Variants in CCDC33 observed in about 807,000 individuals in gnomAD.
The protein encoded by CCDC33 is coiled-coil domain-containing protein 33.
Under a neutral mutation model 91.9 loss-of-function variants are expected in CCDC33, and 94 were observed. The ratio of observed to expected loss-of-function variants is 1.02; its 90% CI spans 0.87 to 1.21. CCDC33 has a LOEUF of 1.21. Ranked by LOEUF, CCDC33 falls within the 50% of genes most tolerant of loss-of-function variation. The pLI is 0.00. For missense variants in CCDC33, 940 were observed against 935.5 expected, an observed-to-expected ratio of 1.00 and a Z score of -0.06; for synonymous variants, 396 against 374.5, an observed-to-expected ratio of 1.06 and a Z score of -0.66.
chr15:74,290,794 G>C (rs2142561142), intron 10 of CCDC33, among the ~76,000 whole-genome samples: 1 of 152,282 alleles, frequency 6.6e-6, no homozygotes, highest in East Asian at 1.9e-4. Flanking sequence ...TCATAAAGTG[G>C]TAGGAAACTA....
At chr15:74,280,182 C>A in intron 8 of CCDC33, 90 bp downstream of exon 8, 1 of 1,479,180 alleles carries the variant, frequency 6.8e-7, no homozygotes, top group South Asian at 1.2e-5. Flanking sequence ...CCTCTGCCTC[C>A]CACAGGGATG....
At chr15:74,335,859 A>G in intron 18 of CCDC33, 66 bp from the exon 19 acceptor site, 1 of 1,239,234 alleles carries the variant, frequency 8.1e-7, no homozygotes, top group Non-Finnish European at 1.2e-6. Flanking sequence ...GTCAGGCAAT[A>G]TGCCCTTGAG....
intron 8 of CCDC33, 93 bp from the exon 9 acceptor site, chr15:74,280,575 C>A (rs903048572): frequency 7.3e-7 from 1 of 1,369,886 alleles, no homozygotes; most frequent in South Asian, 1.8e-5. Context: ...GGAAAGCAGG[C>A]AGCGGGAGAC....
chr15:74,218,486 C>G lies in CCDC33; in HGVS notation c.311-11C>G. ...TGAGACCATCTCTGAGCCCTGTGTT[C>G]CCTCATCCAGGTTTCTGCAAGAATG... On this transcript the variant is annotated splice_polypyrimidine_tract_variant and intron_variant, in intron 1 of 2. Coordinates refer to the CCDC33 transcript ENST00000635913. This position sits in a 1 kb window ranked among gnomAD's most constrained non-coding sequence, Gnocchi z 4.8. 1 of 1,272,280 alleles carries G rather than the reference C, an allele frequency of 7.9e-7. No individual in the cohort carries two copies. Among genetic ancestry groups the G allele is most frequent in the Non-Finnish European group, 1.0e-6 (1 of 979,498 alleles). 78.8% of individuals were successfully genotyped at this position (1,272,280 alleles called of 1,614,324 possible).
At chr15:74,274,418 C>T (rs1284321312) in intron 7 of CCDC33, among the ~76,000 whole-genome samples, 1 of 152,162 alleles carries the variant, frequency 6.6e-6, no homozygotes, top group Non-Finnish European at 1.5e-5. Flanking sequence ...GGAGGTCCCT[C>T]CTATTGTCTG....
chr15:74,332,900 C>A, intron 16 of CCDC33, 55 bp downstream of exon 16: 1 of 1,585,364 alleles, frequency 6.3e-7, no homozygotes, highest in South Asian at 1.1e-5. Context: ...GCCCAGAAAT[C>A]ACCCATGGTA....
chr15:74,268,384 C>A lies in CCDC33; in HGVS notation c.472C>A (p.Gln158Lys), dbSNP rs878995553. ...AGCCGATGAAGCCACTGCCAAGACC[C>A]AGTTGTACGCAACAGTCGTTCGGAA... ...GKADEATAKT[Q>K]LYATVVRKSS... Residue 158 changes from glutamine (Q) to lysine (K), a missense_variant, in exon 5 of 19, where the codon CAG becomes AAG. Coordinates refer to ENST00000398814, the MANE Select transcript of CCDC33 (RefSeq NM_025055.5). The A allele has an allele frequency of 3.1e-6, 5 of 1,611,908 alleles. No individual in the cohort carries two copies. The South Asian group carries it at 4.4e-5, about 14-fold the overall frequency.
At chr15:74,318,150 G>A (rs140893839) in intron 11 of CCDC33, among the ~76,000 whole-genome samples, 4 of 151,558 alleles carry the variant, frequency 2.6e-5, no homozygotes, top group African/African-American at 9.7e-5. Context: ...AAGGGGGAGG[G>A]GGAGGAGGAG....
upstream of CCDC33, among the ~76,000 whole-genome samples, chr15:74,233,804 A>G (rs2075059021): frequency 6.6e-6 from 1 of 152,230 alleles, no homozygotes; most frequent in Admixed American, 6.5e-5. Flanking sequence ...AAGCTCAGAA[A>G]GGGTTAACAT....
At chr15:74,318,390 A>T (rs3809541) in intron 11 of CCDC33, among the ~76,000 whole-genome samples, 6,484 of 152,180 alleles carry the variant, frequency 0.043, 168 homozygotes, top group Middle Eastern at 0.12. Flanking sequence ...CTGTCTCCAT[A>T]CAATTCTGTG....
intron 7 of CCDC33, among the ~76,000 whole-genome samples, chr15:74,276,455 A>G (rs1294229075): frequency 6.6e-6 from 1 of 152,054 alleles, no homozygotes; most frequent in African/African-American, 2.4e-5. Context: ...GCCCACCACC[A>G]TCCCCTCCTC....
intron 2 of CCDC33, among the ~76,000 whole-genome samples, chr15:74,223,664 G>A (rs150692797): frequency 2.6e-3 from 374 of 141,644 alleles, no homozygotes; most frequent in Non-Finnish European, 5.0e-3. Context: ...CCTCAGGCCC[G>A]AGCAGGTCAG....
At chr15:74,323,035 C>A (rs1269317923) in intron 11 of CCDC33, among the ~76,000 whole-genome samples, 1 of 152,102 alleles carries the variant, frequency 6.6e-6, no homozygotes, top group Admixed American at 6.5e-5. Flanking sequence ...CCAGCCCATA[C>A]CTCCCCTATG....
intron 10 of CCDC33, among the ~76,000 whole-genome samples, chr15:74,290,930 G>A (rs546741736): frequency 7.9e-5 from 12 of 152,342 alleles, no homozygotes; most frequent in Non-Finnish European, 1.3e-4. Flanking sequence ...GGTAACAAGA[G>A]TGAGCCCACA....
At chr15:74,254,044 A>G (rs2075789299) in intron 2 of CCDC33, among the ~76,000 whole-genome samples, 1 of 151,452 alleles carries the variant, frequency 6.6e-6, no homozygotes, top group Admixed American at 6.6e-5. Flanking sequence ...TTATTTTTTT[A>G]TTTTTTGAGA....
Position 74,236,575 on chromosome 15 carries a change from G to T in CCDC33, c.-145G>T. 1 of 365,160 alleles carries T rather than the reference G, an allele frequency of 2.7e-6. No homozygotes were observed. Among genetic ancestry groups the T allele is most frequent in the Admixed American group, 4.1e-5 (1 of 24,582 alleles). The allele number at this position is 365,160 out of a possible 1,614,324, so 22.6% of individuals were successfully genotyped here. On this transcript the variant is annotated 5_prime_UTR_variant, in exon 1 of 19. Coordinates refer to ENST00000398814, the MANE Select transcript of CCDC33 (RefSeq NM_025055.5). Reference sequence around the variant, plus strand: ...TGTGTGGCACCCCTGAGACCACATTGACCTCCATACTGTCTACTACCCATA... The same window carrying T: ...TGTGTGGCACCCCTGAGACCACATTTACCTCCATACTGTCTACTACCCATA...
chr15:74,207,655 A>G, intron 1 of CCDC33: 1 of 1,513,188 alleles, frequency 6.6e-7, no homozygotes, highest in African/African-American at 1.4e-5. Context: ...AGAACACGCA[A>G]GAGAGGCGTT....
intron 11 of CCDC33, among the ~76,000 whole-genome samples, chr15:74,315,324 G>C (rs1169581441): frequency 6.6e-6 from 1 of 152,242 alleles, no homozygotes; most frequent in Non-Finnish European, 1.5e-5. Flanking sequence ...CCTGATGAGT[G>C]ATGAAGCATG....
chr15:74,333,632 T>TA (rs1048824052), intron 16 of CCDC33, among the ~76,000 whole-genome samples: 5 of 151,922 alleles, frequency 3.3e-5, no homozygotes, highest in Admixed American at 2.0e-4. Context: ...CATTTTACAT[T>TA]AAAAAAAATG....
Sources: gnomAD v4.1 joint callset for allele counts (sites outside exome capture counted in the v4.1 genomes callset) on GRCh38, gnomAD v4.1.1 for gene constraint, Gnocchi (gnomAD v3.1) non-coding constraint, MANE v1.5 for transcripts, NCBI Gene and HGNC (gene_info 2026-07-23, HGNC 2026-07-21) for gene names.